Variants in PMVK observed in about 807,000 individuals in gnomAD.
PMVK encodes the protein phosphomevalonate kinase.
In PMVK, 10 loss-of-function variants were observed where a neutral mutation model predicts 19.0. That is an observed-to-expected ratio of 0.53 (90% CI 0.32 to 0.89). The LOEUF (loss-of-function observed/expected upper bound fraction) is 0.89, where lower values mean the gene tolerates loss of function less well. Among genes scored for constraint, PMVK ranks in the 40% least tolerant of loss-of-function variants. The pLI is 0.03. For missense variants in PMVK, 222 were observed against 251.1 expected (o/e 0.88, Z 0.78); for synonymous variants, 108 against 101.6 (o/e 1.06, Z -0.38).
upstream of PMVK, among the ~76,000 whole-genome samples, chr1:154,939,608 G>A (rs931665165): frequency 1.3e-5 from 2 of 151,016 alleles, no homozygotes; most frequent in African/African-American, 4.9e-5. Context: ...TGAGGCAGGA[G>A]AATGGCGTGA....
chr1:154,929,950 G>A (rs1558030714), intron 2 of PMVK, among the ~76,000 whole-genome samples: 1 of 152,220 alleles, frequency 6.6e-6, no homozygotes, highest in African/African-American at 2.4e-5. Flanking sequence ...CTTGCTGCAA[G>A]AGGAGGTCAG....
chr1:154,932,522 G>A (rs895383497), intron 1 of PMVK, 107 bp from the exon 2 acceptor site: 1 of 664,686 alleles, frequency 1.5e-6, no homozygotes. Context: ...TTCTACTACT[G>A]GTATTATGTA....
chr1:154,927,094 C>A (rs184419774), intron 3 of PMVK, among the ~76,000 whole-genome samples: 22 of 152,170 alleles, frequency 1.4e-4, no homozygotes, highest in Admixed American at 3.9e-4. Context: ...GCAAAATTGA[C>A]CCCTTCTCTC....
chr1:154,935,441 C>T (rs1301214307), intron 1 of PMVK, among the ~76,000 whole-genome samples: 1 of 152,184 alleles, frequency 6.6e-6, no homozygotes, highest in East Asian at 1.9e-4. Flanking sequence ...TGCTCCTGCA[C>T]AGAAGATCTT....
chr1:154,941,977 G>T, the PMVK span, among the ~76,000 whole-genome samples: 4 of 152,150 alleles, frequency 2.6e-5, no homozygotes, highest in Non-Finnish European at 2.9e-5. Flanking sequence ...AGGACGGGAG[G>T]GGGGAATGCA....
intron 4 of PMVK, 69 bp from the exon 5 acceptor site, chr1:154,925,334 A>T: frequency 1.3e-6 from 2 of 1,549,578 alleles, no homozygotes; most frequent in Non-Finnish European, 1.8e-6. Flanking sequence ...AGGCCTGCTA[A>T]CCCCAACTGG....
At chr1:154,938,130 ATCT>A (rs1654568072), upstream of PMVK, 1 of 152,228 alleles carries the variant, frequency 6.6e-6, no homozygotes. Flanking sequence ...TTTCCAGCTC[ATCT>A]TCAATAAACA....
chr1:154,926,117 C>T (rs1316106743), intron 4 of PMVK, among the ~76,000 whole-genome samples: 2 of 152,216 alleles, frequency 1.3e-5, no homozygotes, highest in Non-Finnish European at 2.9e-5. Flanking sequence ...GGTGAAGAAT[C>T]ATGGGGGTGG....
chr1:154,939,492 T>A (rs1301180414), upstream of PMVK, among the ~76,000 whole-genome samples: 1 of 150,964 alleles, frequency 6.6e-6, no homozygotes, highest in African/African-American at 2.4e-5. Flanking sequence ...GAGACCATCC[T>A]GGGTAACACG....
chr1:154,941,233 G>C (rs1486871344), upstream of PMVK, among the ~76,000 whole-genome samples: 1 of 152,178 alleles, frequency 6.6e-6, no homozygotes, highest in Non-Finnish European at 1.5e-5. Flanking sequence ...ACAGGTGAGC[G>C]GGGAAGGGGT....
At chr1:154,932,261 A>T in intron 2 of PMVK, 91 bp downstream of exon 2, 1 of 916,120 alleles carries the variant, frequency 1.1e-6, no homozygotes, top group East Asian at 2.5e-5. Context: ...TGGTGACGGG[A>T]ATCATGCCAG....
chr1:154,926,380 T>C lies in PMVK; in HGVS notation c.416A>G (p.Gln139Arg), dbSNP rs1183128032. 1.9e-6 allele frequency: 3 copies of C among 1,613,748 alleles called. No individual in the cohort carries two copies. In the East Asian group the frequency reaches 6.7e-5, roughly 36 times the overall value. ...VRVVALEQSR[Q>R]QRGWVFTPGV... Reference sequence around the variant, plus strand: ...TGGCGTGAACACCCAGCCCCGCTGCTGTCGGCTCTGCTCCAACGCTACAAC... The same window carrying C: ...TGGCGTGAACACCCAGCCCCGCTGCCGTCGGCTCTGCTCCAACGCTACAAC... Residue 139 changes from glutamine to arginine, a missense_variant, in exon 4 of 5, where the codon CAG becomes CGG. By Grantham distance (43) the Gln-to-Arg change is conservative. Coordinates refer to ENST00000368467, the MANE Select transcript of PMVK (RefSeq NM_006556.4).
At chr1:154,937,670 T>A (rs749468303), upstream of PMVK, 22 of 152,232 alleles carry the variant, frequency 1.4e-4, no homozygotes, top group Non-Finnish European at 3.1e-4. Context: ...GTCCTGCATT[T>A]TTCTGAGCAT....
At chr1:154,937,705 T>G (rs1654554812), upstream of PMVK, 1 of 152,242 alleles carries the variant, frequency 6.6e-6, no homozygotes, top group South Asian at 2.1e-4. Flanking sequence ...TGCAACTCAT[T>G]ACTGCCTCCA....
chr1:154,937,701 T>C (rs1654554628), upstream of PMVK: 1 of 152,214 alleles, frequency 6.6e-6, no homozygotes, highest in Admixed American at 6.5e-5. Context: ...AGCCTGCAAC[T>C]CATTACTGCC....
chr1:154,932,266 T>C (rs1654358263), intron 2 of PMVK, 86 bp downstream of exon 2: 2 of 952,588 alleles, frequency 2.1e-6, no homozygotes, highest in Admixed American at 1.8e-5. Flanking sequence ...ACGGGAATCA[T>C]GCCAGTGACT....
At chr1:154,928,667 G>A (rs548519286) in intron 3 of PMVK, among the ~76,000 whole-genome samples, 1 of 152,220 alleles carries the variant, frequency 6.6e-6, no homozygotes, top group South Asian at 2.1e-4. Context: ...AGCTGCTTGG[G>A]AGGCTGAGGC....
rs142130732 is a variant in PMVK at position 154,935,208 on chromosome 1, G to C, written c.95+1383C>G. On this transcript the variant is annotated intron_variant, in intron 1 of 4. Coordinates refer to ENST00000368467, the MANE Select transcript of PMVK (RefSeq NM_006556.4). ...TGCTTCGGACCACTATTTGACGTCAGGGTTTGGAGGTGAGGAGAAATGCAA... is the reference window on the plus strand; with the variant it reads ...TGCTTCGGACCACTATTTGACGTCACGGTTTGGAGGTGAGGAGAAATGCAA... Among the ~76,000 whole-genome samples, 646 of 152,254 alleles carry C rather than the reference G, an allele frequency of 4.2e-3. 5 individuals are homozygous for C. Among genetic ancestry groups the C allele is most frequent in the Middle Eastern group, 0.02 (6 of 294 alleles).
intron 1 of PMVK, chr1:154,936,380 T>C: frequency 2.0e-6 from 2 of 985,156 alleles, no homozygotes; most frequent in Non-Finnish European, 1.2e-6. Flanking sequence ...TGAAGGTCTT[T>C]GGAGAGGTGG....
Sources: allele counts gnomAD v4.1 joint callset (sites outside exome capture counted in the v4.1 genomes callset), GRCh38; gene constraint gnomAD v4.1.1; transcripts MANE v1.5; gene names NCBI Gene and HGNC (gene_info 2026-07-23, HGNC 2026-07-21).